Variants in PFKFB3 observed in about 807,000 individuals in gnomAD.
PFKFB3 encodes the protein 6-phosphofructo-2-kinase/fructose-2,6-biphosphatase 3.
Under a neutral mutation model 68.0 loss-of-function variants are expected in PFKFB3, and 33 were observed. The ratio of observed to expected loss-of-function variants is 0.49; its 90% CI spans 0.37 to 0.65. The LOEUF is 0.65. PFKFB3 is among the 30% of genes least tolerant of loss of function. PFKFB3 has a pLI of 0.00. For missense variants in PFKFB3, 586 were observed against 712.2 expected (o/e 0.82, Z 2.02); for synonymous variants, 315 against 288.2 (o/e 1.09, Z -0.94).
At chr10:6,221,024 T>A (rs924508111) in intron 8 of PFKFB3, among the ~76,000 whole-genome samples, 159 bp downstream of exon 8, 30 of 126,164 alleles carry the variant, frequency 2.4e-4, no homozygotes, top group African/African-American at 7.9e-4. Flanking sequence ...TCTCTATGCA[T>A]ATCTGTGTGC....
the PFKFB3 span, among the ~76,000 whole-genome samples, chr10:6,267,811 C>T: frequency 2.0e-5 from 3 of 151,680 alleles, no homozygotes; most frequent in Non-Finnish European, 4.4e-5. Flanking sequence ...AAAAATTAGC[C>T]AGGCATGGTG....
rs764350812 is a variant in PFKFB3 at position 6,203,132 on chromosome 10, C to G, written c.-129C>G. ...CCAAAGCACGTTTCCCCTGGCAGCGCAGGAAACGCCCGGCCGCGCGCCGGC... is the reference window on the plus strand; with the variant it reads ...CCAAAGCACGTTTCCCCTGGCAGCGGAGGAAACGCCCGGCCGCGCGCCGGC... On this transcript the variant is annotated 5_prime_UTR_variant, in exon 1 of 15. Transcript: ENST00000379775. 3.9e-4 allele frequency: 589 copies of G among 1,491,662 alleles called. No individual in the cohort carries two copies. The highest frequency in any genetic ancestry group is 5.1e-4 in the Non-Finnish European group (568 of 1,123,292). 92.4% of individuals were successfully genotyped at this position (1,491,662 alleles called of 1,614,324 possible).
In PFKFB3 at chr10:6,225,565, G is replaced by C. The variant is rs946886120; in HGVS notation, c.1342-627G>C. Among the ~76,000 whole-genome samples, 3 of 152,244 alleles carry C rather than the reference G, an allele frequency of 2.0e-5. No individual in the cohort carries two copies. In the East Asian group the frequency reaches 5.8e-4, roughly 29 times the overall value. ...TGATGGAGACAGATCCCGGTTCTGA[G>C]GCTGGAGGCCCACACCCCATCACGC... On this transcript the variant is annotated intron_variant, in intron 13 of 14. Coordinates refer to ENST00000379775, the MANE Select transcript of PFKFB3 (RefSeq NM_004566.4).
chr10:6,312,711 G>A, the PFKFB3 span, among the ~76,000 whole-genome samples: 1 of 152,152 alleles, frequency 6.6e-6, no homozygotes, highest in Non-Finnish European at 1.5e-5. Flanking sequence ...TCATTTGTTT[G>A]TAAATATTGT....
At chr10:6,222,830 C>A (rs372111622) in intron 10 of PFKFB3, 25 bp from the exon 11 acceptor site, 1 of 1,601,840 alleles carries the variant, frequency 6.2e-7, no homozygotes, top group Non-Finnish European at 8.5e-7. Context: ...CCTGAGCTCA[C>A]GTGGGCCCGG....
Position 6,215,145 on chromosome 10 carries a change from C to G in PFKFB3, c.203-76C>G. 7.8e-7 allele frequency: 1 copy of G among 1,287,704 alleles called. No homozygotes were observed. Among genetic ancestry groups the G allele is most frequent in the Non-Finnish European group, 1.1e-6 (1 of 891,316 alleles). 79.8% of individuals were successfully genotyped at this position (1,287,704 alleles called of 1,614,324 possible). On this transcript the variant is annotated intron_variant, in intron 2 of 14. Transcript: ENST00000379775. The surrounding 1 kb of genome is among the most constrained non-coding windows in gnomAD (Gnocchi z 4.3). ...TTGGCCTGGTGGCTCTTCCTTTGGT[C>G]GATCCTATGGTCCCGGTGTGAGCTG...
At chr10:6,180,569 A>G (rs1400368184) in intron 1 of PFKFB3, among the ~76,000 whole-genome samples, 3 of 151,972 alleles carry the variant, frequency 2.0e-5, no homozygotes, top group East Asian at 3.9e-4. Context: ...GGCTCAAACA[A>G]TCCTCTTGTG....
At chr10:6,162,923 G>A (rs1278820344) in intron 1 of PFKFB3, among the ~76,000 whole-genome samples, 1 of 152,166 alleles carries the variant, frequency 6.6e-6, no homozygotes, top group East Asian at 1.9e-4. Flanking sequence ...CGGAGTGTCC[G>A]TGTTTCCAGG....
chr10:6,261,144 G>A, the PFKFB3 span, among the ~76,000 whole-genome samples: 1 of 152,180 alleles, frequency 6.6e-6, no homozygotes, highest in Admixed American at 6.5e-5. Context: ...TATGACAAAC[G>A]AGGTTGTCTT....
chr10:6,153,615 A>G (rs1841668630), intron 1 of PFKFB3, among the ~76,000 whole-genome samples: 1 of 152,162 alleles, frequency 6.6e-6, no homozygotes, highest in Admixed American at 6.5e-5. Flanking sequence ...GCATTTTGGG[A>G]GGCCGAGGCA....
At chr10:6,152,857 G>A (rs1393016006) in intron 1 of PFKFB3, among the ~76,000 whole-genome samples, 1 of 151,956 alleles carries the variant, frequency 6.6e-6, no homozygotes, top group Non-Finnish European at 1.5e-5. Context: ...CTCCAGCCCG[G>A]GCAACAGAAA....
intron 13 of PFKFB3, 109 bp downstream of exon 13, chr10:6,224,322 C>A (rs1005010271): frequency 5.8e-6 from 6 of 1,038,918 alleles, no homozygotes; most frequent in South Asian, 1.3e-5. Flanking sequence ...GCTGGCCTGT[C>A]TGGGGCCATG....
chr10:6,213,512 G>A, intron 1 of PFKFB3, 111 bp from the exon 2 acceptor site: 1 of 1,324,170 alleles, frequency 7.6e-7, no homozygotes, highest in Non-Finnish European at 1.0e-6. Context: ...GTGAGACCCT[G>A]TCTCAAAAAC....
intron 1 of PFKFB3, among the ~76,000 whole-genome samples, chr10:6,191,313 C>T (rs1197113468): frequency 1.3e-5 from 2 of 152,230 alleles, no homozygotes; most frequent in African/African-American, 4.8e-5. Context: ...TCCCCACCAG[C>T]AGGGACCGCT....
chr10:6,161,613 T>C (rs370382747), intron 1 of PFKFB3, among the ~76,000 whole-genome samples: 20 of 142,244 alleles, frequency 1.4e-4, no homozygotes, highest in Admixed American at 5.1e-4. Flanking sequence ...CACATATATA[T>C]ACACACACAC....
intron 1 of PFKFB3, among the ~76,000 whole-genome samples, chr10:6,145,528 C>G (rs1841357438): frequency 6.6e-6 from 1 of 152,184 alleles, no homozygotes; most frequent in Admixed American, 6.5e-5. Flanking sequence ...CGGCGGGGCC[C>G]GGGGTCCTGA....
rs1218222389 is a variant in PFKFB3 at position 6,206,579 on chromosome 10, G to GGT, written c.76+3244_76+3245insTG. Among the ~76,000 whole-genome samples the GGT allele has an allele frequency of 6.3e-4, 84 of 133,154 alleles. 1 individual carries two copies. The highest frequency in any genetic ancestry group is 3.8e-3 in the Middle Eastern group (1 of 264). 87.4% of individuals were successfully genotyped at this position (133,154 alleles called of 152,430 possible). A position where few individuals can be genotyped will look rare whatever the true frequency, so the allele number is the denominator to read the frequency against. On this transcript the variant is annotated intron_variant, in intron 1 of 14. Coordinates refer to ENST00000379775, the MANE Select transcript of PFKFB3 (RefSeq NM_004566.4). The stretch of plus-strand genomic sequence containing the variant: ...CGGACGGGGCGGCTGGCCGGGCAGG[G>GGT]GCTGACCCCCCCACCTCCCTCCCGG...
At chr10:6,279,358 G>A in the PFKFB3 span, among the ~76,000 whole-genome samples, 17 of 152,252 alleles carry the variant, frequency 1.1e-4, no homozygotes, top group South Asian at 3.5e-3. Flanking sequence ...AATTTGGAAG[G>A]ACTGAAATGT....
the PFKFB3 span, among the ~76,000 whole-genome samples, chr10:6,321,940 C>G: frequency 6.6e-6 from 1 of 152,216 alleles, no homozygotes; most frequent in Non-Finnish European, 1.5e-5. Flanking sequence ...CGCTCAAGAC[C>G]TCTTTTCTTC....
Sources: gnomAD v4.1 joint callset for allele counts (sites outside exome capture counted in the v4.1 genomes callset) on GRCh38, gnomAD v4.1.1 for gene constraint, Gnocchi (gnomAD v3.1) non-coding constraint, MANE v1.5 for transcripts, NCBI Gene and HGNC (gene_info 2026-07-23, HGNC 2026-07-21) for gene names.